GNB5: variants seen among roughly 807,000 people sequenced by gnomAD.
The protein encoded by GNB5 is G protein subunit beta 5.
Under a neutral mutation model 55.3 loss-of-function variants are expected in GNB5, and 37 were observed. That is an observed-to-expected ratio of 0.67 (90% CI 0.51 to 0.88). GNB5 has a LOEUF of 0.88. Among genes scored for constraint, GNB5 ranks in the 40% least tolerant of loss-of-function variants. The pLI, the probability that GNB5 is intolerant of heterozygous loss-of-function variation, is 0.00. For missense variants in GNB5, 476 were observed against 515.3 expected, an observed-to-expected ratio of 0.92 and a Z score of 0.74; for synonymous variants, 219 against 198.5, an observed-to-expected ratio of 1.10 and a Z score of -0.87.
chr15:52,133,542 T>G (rs7182731), intron 8 of GNB5, 73 bp from the exon 9 acceptor site: 1 of 929,548 alleles, frequency 1.1e-6, no homozygotes, highest in Non-Finnish European at 1.8e-6. Flanking sequence ...GTCCCAGTTA[T>G]ATAACACAGA....
At chr15:52,180,017 G>C (rs1194906462) in intron 2 of GNB5, 138 bp from the exon 3 acceptor site, 2 of 1,129,538 alleles carry the variant, frequency 1.8e-6, no homozygotes, top group Middle Eastern at 3.4e-4. Flanking sequence ...CAGCAGCTGC[G>C]GGCCCGGCTG....
intron 3 of GNB5, among the ~76,000 whole-genome samples, chr15:52,172,990 T>C (rs538255325): frequency 6.6e-6 from 1 of 152,376 alleles, no homozygotes; most frequent in South Asian, 2.1e-4. Flanking sequence ...GGATTTACTT[T>C]TCTTTCTTTT....
intron 6 of GNB5, among the ~76,000 whole-genome samples, chr15:52,142,394 C>T (rs559829518): frequency 1.1e-4 from 17 of 152,228 alleles, no homozygotes; most frequent in Admixed American, 3.9e-4. Flanking sequence ...TAATGTCTTC[C>T]GTATTTATTA....
intron 6 of GNB5, 84 bp downstream of exon 6, chr15:52,147,374 GA>G (rs1219578806): frequency 1.2e-6 from 1 of 815,850 alleles, no homozygotes; most frequent in Non-Finnish European, 2.2e-6. Context: ...CAAAAACTGT[GA>G]GTTCTTGTTT....
intron 3 of GNB5, among the ~76,000 whole-genome samples, chr15:52,170,335 G>A (rs1404487181): frequency 6.6e-6 from 1 of 152,136 alleles, no homozygotes; most frequent in African/African-American, 2.4e-5. Flanking sequence ...ATGATAGACT[G>A]GATAAAGAAA....
chr15:52,159,725 C>T (rs969406008), intron 3 of GNB5, among the ~76,000 whole-genome samples: 1 of 152,188 alleles, frequency 6.6e-6, no homozygotes, highest in African/African-American at 2.4e-5. Flanking sequence ...AGTCTCTGCT[C>T]TTACTGAGCT....
intron 7 of GNB5, 49 bp downstream of exon 7, chr15:52,141,091 T>C: frequency 1.9e-6 from 3 of 1,587,382 alleles, no homozygotes; most frequent in Non-Finnish European, 2.6e-6. Context: ...TCAGCTCCTC[T>C]TTAGTGCTCC....
chr15:52,135,811 G>A, intron 7 of GNB5, 55 bp from the exon 8 acceptor site: 1 of 1,592,478 alleles, frequency 6.3e-7, no homozygotes, highest in Middle Eastern at 2.3e-4. Context: ...TTATGCCGGG[G>A]GCAGTCAATC....
intron 2 of GNB5, among the ~76,000 whole-genome samples, chr15:52,182,261 C>A (rs1042449634): frequency 6.6e-6 from 1 of 152,198 alleles, no homozygotes; most frequent in Non-Finnish European, 1.5e-5. Context: ...GACACTGGGT[C>A]ATGGGGGATT....
intron 4 of GNB5, among the ~76,000 whole-genome samples, chr15:52,152,592 T>G (rs550743920): frequency 1.8e-4 from 27 of 151,900 alleles, no homozygotes; most frequent in African/African-American, 6.3e-4. Context: ...CCCAAAGTGC[T>G]GGGATTACAG....
intron 3 of GNB5, among the ~76,000 whole-genome samples, chr15:52,172,787 G>A: frequency 6.6e-6 from 1 of 152,080 alleles, no homozygotes; most frequent in Admixed American, 6.6e-5. Context: ...ATGTATAGAT[G>A]GGTATAAAAT....
Position 52,138,711 on chromosome 15 carries a change from C to T in GNB5, c.627+2429G>A, listed in dbSNP as rs532723637. The T allele has an allele frequency of 2.0e-5, 3 of 152,292 alleles. No homozygotes were observed. The South Asian group carries it at 6.2e-4, about 32-fold the overall frequency. 9.4% of individuals were successfully genotyped at this position (152,292 alleles called of 1,614,324 possible). On this transcript the variant is annotated intron_variant, in intron 7 of 12. Transcript: ENST00000261837. ...GCTTTCCTAATAACACTTGCAGTAA[C>T]TTACAGTTTATTTTGAGACACCAGG...
At chr15:52,164,994 T>C (rs2034421879) in intron 3 of GNB5, among the ~76,000 whole-genome samples, 1 of 152,140 alleles carries the variant, frequency 6.6e-6, no homozygotes, top group East Asian at 1.9e-4. Context: ...ATAACCAAAA[T>C]AGCCAGTTTA....
At chr15:52,125,107 A>G (rs1331208820) in intron 11 of GNB5, 1 of 155,748 alleles carries the variant, frequency 6.4e-6, no homozygotes, top group Non-Finnish European at 1.4e-5. Context: ...CTTCACGTGC[A>G]GTTAGTCTAG....
intron 3 of GNB5, among the ~76,000 whole-genome samples, chr15:52,165,056 C>T (rs758534748): frequency 1.3e-5 from 2 of 152,150 alleles, no homozygotes; most frequent in African/African-American, 4.8e-5. Flanking sequence ...ATAAGAATGT[C>T]ACGATGCAAT....
At chr15:52,135,080 C>T (rs1304939938) in intron 8 of GNB5, among the ~76,000 whole-genome samples, 1 of 152,032 alleles carries the variant, frequency 6.6e-6, no homozygotes, top group African/African-American at 2.4e-5. Flanking sequence ...CAATTCTGAG[C>T]TTTCAAAGCC....
At chr15:52,159,859 G>A (rs1050114607) in intron 3 of GNB5, among the ~76,000 whole-genome samples, 1 of 152,148 alleles carries the variant, frequency 6.6e-6, no homozygotes, top group African/African-American at 2.4e-5. Flanking sequence ...GACTCCGCTG[G>A]CAGGCGTGGT....
Position 52,156,459 on chromosome 15 carries a change from C to T in GNB5, c.239-2383G>A, listed in dbSNP as rs117932865. Among the ~76,000 whole-genome samples the T allele has an allele frequency of 5.1e-3, 770 of 152,362 alleles. 18 individuals carry two copies. The highest frequency in any genetic ancestry group is 0.026 in the Admixed American group (397 of 15,306). ...AATACTTGCTAAACTAGGCCAGGCA[C>T]AGTGGCTCACGCCTGTAATCCCAGC... On this transcript the variant is annotated intron_variant, in intron 3 of 12. Coordinates refer to ENST00000261837, the MANE Select transcript of GNB5 (RefSeq NM_016194.4).
chr15:52,184,556 C>A lies in GNB5; in HGVS notation c.121G>T (p.Glu41Ter). Reference protein sequence around the residue: ...QQLSYCSTCAEIMATEGLHEN... With the variant: ...QQLSYCSTCA ...TTTTTTTAAGTGGCACTTACAATTTCTGCACATGTTGAACAGTAGCTGAGT... is the reference window on the plus strand; with the variant it reads ...TTTTTTTAAGTGGCACTTACAATTTATGCACATGTTGAACAGTAGCTGAGT... Residue 41 changes from glutamate to a stop codon, truncating the protein, a stop_gained, in exon 2 of 13, where the codon GAA becomes TAA. Transcript: ENST00000261837. LOFTEE classifies it high-confidence loss of function. 6.2e-7 allele frequency: 1 copy of A among 1,613,364 alleles called. No homozygotes were observed. Among genetic ancestry groups the A allele is most frequent in the East Asian group, 2.2e-5 (1 of 44,868 alleles).
Sources: allele counts gnomAD v4.1 joint callset (sites outside exome capture counted in the v4.1 genomes callset), GRCh38; gene constraint gnomAD v4.1.1; transcripts MANE v1.5; gene names NCBI Gene and HGNC (gene_info 2026-07-23, HGNC 2026-07-21).